The following DOCK3 variants were observed in gnomAD, a reference collection of about 807,000 sequenced individuals.
The protein encoded by DOCK3 is dedicator of cytokinesis protein 3.
Under a neutral mutation model 265.6 loss-of-function variants are expected in DOCK3, and 60 were observed. That is an observed-to-expected ratio of 0.23 (90% confidence interval 0.18 to 0.28). The LOEUF (loss-of-function observed/expected upper bound fraction) is 0.28. Among genes scored for constraint, DOCK3 ranks in the 10% least tolerant of loss-of-function variants. DOCK3 has a pLI of 1.00. For missense variants in DOCK3, 1,981 were observed against 2,594.3 expected, an observed-to-expected ratio of 0.76 and a Z score of 5.14; for synonymous variants, 881 against 938.0, an observed-to-expected ratio of 0.94 and a Z score of 1.11.
intron 2 of DOCK3, among the ~76,000 whole-genome samples, chr3:50,781,286 G>A (rs1162855198): frequency 7.1e-5 from 2 of 28,146 alleles, no homozygotes; most frequent in East Asian, 8.9e-4. Flanking sequence ...TTTTTTTTTT[G>A]GAGACAGGGT....
chr3:51,161,402 C>A (rs1257921555), intron 12 of DOCK3, among the ~76,000 whole-genome samples: 2 of 150,712 alleles, frequency 1.3e-5, no homozygotes, highest in Non-Finnish European at 3.0e-5. Context: ...TGAGATCATG[C>A]CACTGCACTC....
At chr3:50,713,669 GT>G (rs1323197963) in intron 1 of DOCK3, among the ~76,000 whole-genome samples, 1 of 151,250 alleles carries the variant, frequency 6.6e-6, no homozygotes, top group Non-Finnish European at 1.5e-5. Flanking sequence ...TTGTTTGTTT[GT>G]TTTAGATTCT....
In DOCK3 at chr3:51,132,084, T is replaced by A. The variant is rs567561272; in HGVS notation, c.747-14465T>A. Among the ~76,000 whole-genome samples the A allele has an allele frequency of 1.3e-4, 20 of 152,272 alleles. No homozygotes were observed. In the East Asian group the frequency reaches 3.3e-3, roughly 25 times the overall value. ...TTCCTCTACATTAAACCAAGGGAGA[T>A]CAGGCATTTCCTCTCACAGTGGACC... On this transcript the variant is annotated intron_variant, in intron 9 of 52. Coordinates refer to ENST00000266037, the MANE Select transcript of DOCK3 (RefSeq NM_004947.5).
chr3:50,816,522 T>G (rs184202235), intron 2 of DOCK3, among the ~76,000 whole-genome samples: 21 of 152,056 alleles, frequency 1.4e-4, no homozygotes, highest in Admixed American at 7.2e-4. Flanking sequence ...GGTTTTGCCA[T>G]ATTGTCCAGG....
At chr3:50,691,155 G>C (rs2107737681) in intron 1 of DOCK3, among the ~76,000 whole-genome samples, 1 of 151,616 alleles carries the variant, frequency 6.6e-6, no homozygotes, top group East Asian at 2.0e-4. Flanking sequence ...GTGGTGGCGG[G>C]CACCTGTAGT....
At chr3:51,255,317 C>A (rs1169554150) in intron 22 of DOCK3, among the ~76,000 whole-genome samples, 1 of 152,096 alleles carries the variant, frequency 6.6e-6, no homozygotes, top group Non-Finnish European at 1.5e-5. Flanking sequence ...CTTCATTTCA[C>A]CTTTGGTGAA....
chr3:50,769,987 T>G (rs1460769542), intron 1 of DOCK3, among the ~76,000 whole-genome samples: 1 of 151,868 alleles, frequency 6.6e-6, no homozygotes, highest in African/African-American at 2.4e-5. Flanking sequence ...AAATGAGAAT[T>G]CAGTAAAGTT....
At chr3:51,176,696 TG>T (rs2086977496) in intron 12 of DOCK3, among the ~76,000 whole-genome samples, 1 of 152,152 alleles carries the variant, frequency 6.6e-6, no homozygotes, top group South Asian at 2.1e-4. Context: ...CCTTCAACTT[TG>T]TTACCTTTTG....
chr3:50,912,042 G>A (rs1439994710), intron 4 of DOCK3, among the ~76,000 whole-genome samples: 18 of 152,010 alleles, frequency 1.2e-4, no homozygotes, highest in Admixed American at 1.2e-3. Context: ...CAACTTTACT[G>A]AATTTGCCTT....
chr3:50,704,601 T>A (rs1044347400), intron 1 of DOCK3, among the ~76,000 whole-genome samples: 9 of 150,860 alleles, frequency 6.0e-5, no homozygotes, highest in African/African-American at 2.2e-4. Context: ...TCTTTATAGG[T>A]GAAGTGCATT....
intron 5 of DOCK3, among the ~76,000 whole-genome samples, chr3:50,946,943 G>A (rs1263996597): frequency 6.6e-6 from 1 of 152,126 alleles, no homozygotes; most frequent in East Asian, 1.9e-4. Context: ...TACAGTCACT[G>A]TAAAAATCCT....
At position 51,142,723 on chromosome 3, in the gene DOCK3, C is replaced by G. The variant is rs559249105; in HGVS notation, c.747-3826C>G. On this transcript the variant is annotated intron_variant, in intron 9 of 52. Coordinates refer to ENST00000266037, the MANE Select transcript of DOCK3 (RefSeq NM_004947.5). ...TCTTTGGGTAAATTTTTTCATTTCT[C>G]CTGAGTAAACACATAGGAGGAGAAT... 1.3e-5 allele frequency among the ~76,000 whole-genome samples: 2 copies of G among 151,946 alleles called. 1 individual carries two copies. The highest frequency in any genetic ancestry group is 4.1e-4 in the South Asian group (2 of 4,826).
intron 26 of DOCK3, among the ~76,000 whole-genome samples, chr3:51,278,924 A>G (rs2080965933): frequency 6.6e-6 from 1 of 152,260 alleles, no homozygotes; most frequent in Non-Finnish European, 1.5e-5. Flanking sequence ...AATGAGGTTC[A>G]TGAACATATA....
chr3:50,797,780 T>C (rs1272421667), intron 2 of DOCK3, among the ~76,000 whole-genome samples: 2 of 152,242 alleles, frequency 1.3e-5, no homozygotes, highest in Non-Finnish European at 2.9e-5. Flanking sequence ...ATTAATGATG[T>C]TGAGCATTTT....
chr3:51,207,726 G>A (rs2108121832), intron 12 of DOCK3, among the ~76,000 whole-genome samples: 1 of 152,080 alleles, frequency 6.6e-6, no homozygotes, highest in African/African-American at 2.4e-5. Context: ...CTCTTACTGG[G>A]GTCTCCTCCT....
chr3:51,354,816 C>A, intron 40 of DOCK3, 66 bp from the exon 41 acceptor site: 2 of 1,575,216 alleles, frequency 1.3e-6, no homozygotes, highest in Admixed American at 3.4e-5. Flanking sequence ...TAGCTACTGA[C>A]TCCAGGGTGG....
intron 3 of DOCK3, among the ~76,000 whole-genome samples, chr3:50,856,105 G>T (rs1382106424): frequency 6.6e-6 from 1 of 152,192 alleles, no homozygotes; most frequent in Non-Finnish European, 1.5e-5. Flanking sequence ...CATTTAGGTT[G>T]ATTCCATGTC....
intron 1 of DOCK3, among the ~76,000 whole-genome samples, chr3:50,761,263 G>A (rs978997846): frequency 5.9e-5 from 9 of 151,932 alleles, no homozygotes; most frequent in Non-Finnish European, 1.0e-4. Flanking sequence ...CACATGGTAC[G>A]TCATTTTATA....
chr3:50,831,889 C>G (rs1437606549), intron 2 of DOCK3, among the ~76,000 whole-genome samples: 1 of 152,228 alleles, frequency 6.6e-6, no homozygotes, highest in African/African-American at 2.4e-5. Flanking sequence ...TCTCTAGCAT[C>G]TGTTGTTCCC....
Sources: gnomAD v4.1 joint callset for allele counts (sites outside exome capture counted in the v4.1 genomes callset) on GRCh38, gnomAD v4.1.1 for gene constraint, MANE v1.5 for transcripts, NCBI Gene and HGNC (gene_info 2026-07-23, HGNC 2026-07-21) for gene names.